The following CDC42BPA variants were observed in gnomAD, a reference collection of about 807,000 sequenced individuals.
The protein encoded by CDC42BPA is serine/threonine-protein kinase MRCK alpha.
In CDC42BPA, 80 loss-of-function variants were observed where a neutral mutation model predicts 223.5. That is an observed-to-expected ratio of 0.36 (90% CI 0.30 to 0.43). The LOEUF (loss-of-function observed/expected upper bound fraction) is 0.43, where lower values mean the gene tolerates loss of function less well. Ranked by LOEUF, CDC42BPA falls within the 20% of genes least tolerant of loss-of-function variation. The pLI is 1.00. For synonymous variants in CDC42BPA, 694 were observed against 718.6 expected (o/e 0.97, Z 0.55); for missense variants, 1,743 against 2,099.9 (o/e 0.83, Z 3.32).
chr1:227,248,378 A>AC (rs200492280), intron 2 of CDC42BPA, among the ~76,000 whole-genome samples: 4,541 of 151,332 alleles, frequency 0.03, 190 homozygotes, highest in African/African-American at 0.1. Context: ...CACACACACA[A>AC]AAAAACTTAT....
At chr1:227,215,200 T>C (rs1456330442) in intron 2 of CDC42BPA, among the ~76,000 whole-genome samples, 1 of 152,182 alleles carries the variant, frequency 6.6e-6, no homozygotes, top group Non-Finnish European at 1.5e-5. Context: ...AATATGCAAC[T>C]GTGCAGTAGG....
At chr1:227,002,006 GCTTT>G (rs1662968595) in intron 35 of CDC42BPA, among the ~76,000 whole-genome samples, 1 of 152,192 alleles carries the variant, frequency 6.6e-6, no homozygotes, top group Non-Finnish European at 1.5e-5. Context: ...CCGATTTTAG[GCTTT>G]ATTTATAAAG....
At chr1:227,099,807 GTATT>G (rs1180597425) in intron 15 of CDC42BPA, among the ~76,000 whole-genome samples, 1 of 152,014 alleles carries the variant, frequency 6.6e-6, no homozygotes, top group Non-Finnish European at 1.5e-5. Flanking sequence ...TGGCCATCCT[GTATT>G]TATATAATTT....
intron 3 of CDC42BPA, among the ~76,000 whole-genome samples, chr1:227,207,699 C>A (rs972651645): frequency 6.0e-5 from 9 of 150,652 alleles, no homozygotes; most frequent in Non-Finnish European, 1.0e-4. Flanking sequence ...ATGAACTCAT[C>A]ATTTTTTATG....
chr1:227,171,160 C>T (rs1326345650), intron 5 of CDC42BPA, among the ~76,000 whole-genome samples: 1 of 152,140 alleles, frequency 6.6e-6, no homozygotes, highest in Non-Finnish European at 1.5e-5. Context: ...ATATCTATTA[C>T]TGTAAAAACA....
intron 1 of CDC42BPA, among the ~76,000 whole-genome samples, chr1:227,268,849 C>G (rs2102635): frequency 0.099 from 14,816 of 149,894 alleles, 1,163 homozygotes; most frequent in East Asian, 0.36. Flanking sequence ...CTACGCCTGG[C>G]TAATTTTTGT....
At chr1:227,205,283 A>AAAAAATAT (rs1376021292) in intron 3 of CDC42BPA, among the ~76,000 whole-genome samples, 16 of 122,770 alleles carry the variant, frequency 1.3e-4, no homozygotes, top group African/African-American at 3.8e-4. Flanking sequence ...AAAAAAAAAA[A>AAAAAATAT]ATATATATAT....
chr1:227,155,380 G>C (rs73102965), intron 6 of CDC42BPA, among the ~76,000 whole-genome samples: 4,818 of 152,222 alleles, frequency 0.032, 225 homozygotes, highest in African/African-American at 0.11. Flanking sequence ...GCATTTTTCA[G>C]ACATGGAAGA....
At chr1:227,014,899 T>C (rs1242416485) in intron 34 of CDC42BPA, among the ~76,000 whole-genome samples, 1 of 152,194 alleles carries the variant, frequency 6.6e-6, no homozygotes, top group Non-Finnish European at 1.5e-5. Context: ...TATTCTTAAT[T>C]TAAACATGAC....
intron 32 of CDC42BPA, among the ~76,000 whole-genome samples, chr1:227,019,379 C>A (rs1181360908): frequency 2.6e-5 from 4 of 152,140 alleles, no homozygotes; most frequent in African/African-American, 9.7e-5. Flanking sequence ...TAGTTATTTC[C>A]TTCACTGATT....
intron 1 of CDC42BPA, among the ~76,000 whole-genome samples, chr1:227,279,064 G>A (rs974966719): frequency 6.1e-5 from 9 of 147,100 alleles, no homozygotes; most frequent in Non-Finnish European, 1.3e-4. Context: ...GAAGTGTTTT[G>A]TGCAGAAGGT....
At chr1:227,198,583 A>G (rs571924641) in intron 4 of CDC42BPA, among the ~76,000 whole-genome samples, 1 of 152,240 alleles carries the variant, frequency 6.6e-6, no homozygotes, top group South Asian at 2.1e-4. Flanking sequence ...GGGATATAAA[A>G]GACTAGTAAT....
At chr1:227,164,501 A>AT (rs1288978626) in intron 5 of CDC42BPA, among the ~76,000 whole-genome samples, 7 of 152,284 alleles carry the variant, frequency 4.6e-5, no homozygotes, top group Admixed American at 1.3e-4. Flanking sequence ...CTCTGTCTCT[A>AT]TAAAAAAAAA....
rs1666420793 is a variant in CDC42BPA, at chr1:227,017,066, T to C, written c.4616-16A>G. On this transcript the variant is annotated splice_polypyrimidine_tract_variant and intron_variant, in intron 32 of 36. Coordinates refer to ENST00000366766, the MANE Select transcript of CDC42BPA (RefSeq NM_001394014.1). ...TCGTCCCCTTCTGTTAAAATAAAAA[T>C]ACAAACGATAATGATGTTCTTTAAA... is the stretch of plus-strand genomic sequence containing the variant. The C allele has an allele frequency of 1.9e-6, 3 of 1,604,042 alleles. No homozygotes were observed. In the African/African-American group the frequency reaches 4.0e-5, roughly 22 times the overall value.
intron 15 of CDC42BPA, among the ~76,000 whole-genome samples, chr1:227,098,476 A>G (rs1382432075): frequency 1.3e-5 from 2 of 152,024 alleles, no homozygotes; most frequent in Non-Finnish European, 2.9e-5. Flanking sequence ...TCTGTTTATG[A>G]AAGAGTCTTG....
chr1:227,267,477 C>G (rs1685197763), intron 1 of CDC42BPA, among the ~76,000 whole-genome samples: 1 of 152,186 alleles, frequency 6.6e-6, no homozygotes, highest in South Asian at 2.1e-4. Context: ...ATGTATGTAA[C>G]TCACATAGAT....
chr1:227,101,138 T>C lies in CDC42BPA; in HGVS notation c.2103A>G (p.Glu701=). The C allele has an allele frequency of 1.9e-6, 3 of 1,580,576 alleles. No individual in the cohort carries two copies. Among genetic ancestry groups the C allele is most frequent in the East Asian group, 2.2e-5 (1 of 44,598 alleles). The change falls in exon 15 of 37, where the codon GAA becomes GAG. Residue 701 remains glutamate, a synonymous_variant. Coordinates refer to ENST00000366766, the MANE Select transcript of CDC42BPA (RefSeq NM_001394014.1). ...TDLEKKSIFY[E]EELSKREGIH... ...TTCCTTCTCTTTTAGATAATTCTTCTTCATAAAAGATACTTTTCTTTTCCA... is the reference window on the plus strand; with the variant it reads ...TTCCTTCTCTTTTAGATAATTCTTCCTCATAAAAGATACTTTTCTTTTCCA...
chr1:227,096,292 AAATT>A (rs754401287), intron 15 of CDC42BPA, among the ~76,000 whole-genome samples: 8 of 152,184 alleles, frequency 5.3e-5, no homozygotes, highest in African/African-American at 7.2e-5. Context: ...GTACACAAAT[AAATT>A]GAGTAAAATT....
At chr1:227,087,310 T>G (rs528946175) in intron 16 of CDC42BPA, among the ~76,000 whole-genome samples, 63 of 152,314 alleles carry the variant, frequency 4.1e-4, no homozygotes, top group Non-Finnish European at 8.4e-4. Flanking sequence ...TATGAAAAGA[T>G]TATCCTTTTT....
Sources: allele counts gnomAD v4.1 joint callset (sites outside exome capture counted in the v4.1 genomes callset), GRCh38; gene constraint gnomAD v4.1.1; transcripts MANE v1.5; gene names NCBI Gene and HGNC (gene_info 2026-07-23, HGNC 2026-07-21).